CSNK2A1: variants seen among roughly 807,000 people sequenced by gnomAD.
The protein encoded by CSNK2A1 is casein kinase 2 alpha 1.
CSNK2A1 carries 10 observed loss-of-function variants against 62.9 expected under a neutral mutation model. The observed-to-expected ratio is 0.16, with a 90% CI of 0.10 to 0.27. The LOEUF (loss-of-function observed/expected upper bound fraction) is 0.27, where lower values mean the gene tolerates loss of function less well. Ranked by LOEUF, CSNK2A1 falls within the 10% of genes least tolerant of loss-of-function variation. CSNK2A1 has a pLI of 1.00. For synonymous variants in CSNK2A1, 124 were observed against 167.8 expected, an observed-to-expected ratio of 0.74 and a Z score of 2.02; for missense variants, 160 against 492.0, an observed-to-expected ratio of 0.33 and a Z score of 6.38.
chr20:486,316 A>G, intron 13 of CSNK2A1, 60 bp downstream of exon 13: 1 of 1,596,238 alleles, frequency 6.3e-7, no homozygotes, highest in Non-Finnish European at 8.6e-7. Flanking sequence ...TCAGACCACA[A>G]AGCTAAGAAC....
intron 7 of CSNK2A1, 75 bp from the exon 8 acceptor site, chr20:495,877 A>C: frequency 7.4e-7 from 1 of 1,360,522 alleles, no homozygotes; most frequent in South Asian, 1.2e-5. Flanking sequence ...CTCCATGTAA[A>C]TTTTCCTTTT....
chr20:497,196 T>C (rs547051931), intron 7 of CSNK2A1, among the ~76,000 whole-genome samples: 1 of 152,300 alleles, frequency 6.6e-6, no homozygotes, highest in East Asian at 1.9e-4. Context: ...TACTCTGTGC[T>C]ACTGCACTCC....
chr20:520,875 A>T (rs1035323013), intron 2 of CSNK2A1, among the ~76,000 whole-genome samples: 2 of 152,250 alleles, frequency 1.3e-5, no homozygotes, highest in African/African-American at 4.8e-5. Flanking sequence ...TATAAAGATA[A>T]TTCATAATGA....
At chr20:484,724 G>GTA (rs1491073201) in intron 13 of CSNK2A1, among the ~76,000 whole-genome samples, 3 of 146,584 alleles carry the variant, frequency 2.0e-5, no homozygotes, top group African/African-American at 5.1e-5. Context: ...GTGTGTGTGT[G>GTA]TACACACAGG....
intron 1 of CSNK2A1, among the ~76,000 whole-genome samples, chr20:531,356 C>A (rs2019208895): frequency 6.6e-6 from 1 of 152,086 alleles, no homozygotes; most frequent in African/African-American, 2.4e-5. Flanking sequence ...CACACGTAAA[C>A]CTGGACAACT....
At chr20:540,202 A>G (rs1285374785) in intron 1 of CSNK2A1, among the ~76,000 whole-genome samples, 1 of 152,190 alleles carries the variant, frequency 6.6e-6, no homozygotes, top group East Asian at 1.9e-4. Flanking sequence ...GTCTCTTTCA[A>G]TCCAAACTAG....
chr20:520,965 A>ACT, intron 2 of CSNK2A1, among the ~76,000 whole-genome samples: 1 of 151,984 alleles, frequency 6.6e-6, no homozygotes, highest in East Asian at 1.9e-4. Flanking sequence ...ACAAGGCAAG[A>ACT]CTCTACCTCT....
Position 499,524 on chromosome 20 carries a change from C to A in CSNK2A1, c.316-219G>T, listed in dbSNP as rs928080298. The A allele has an allele frequency of 7.2e-6, 4 of 556,088 alleles. No individual in the cohort carries two copies. The highest frequency in any genetic ancestry group is 1.2e-5 in the Non-Finnish European group (4 of 320,038). The allele number at this position is 556,088 out of a possible 1,614,324, so 34.4% of individuals were successfully genotyped here. ...CAGAAGACATGGAGCTGAAGTCTCA[C>A]CAGGCTCTAGGCAGCCCGACAATGC... On this transcript the variant is annotated intron_variant, in intron 5 of 13. Transcript: ENST00000217244. This position sits in a 1 kb window ranked among gnomAD's most constrained non-coding sequence, Gnocchi z 4.2.
chr20:499,712 G>T lies in CSNK2A1; in HGVS notation c.315+121C>A. On this transcript the variant is annotated intron_variant, in intron 5 of 13. Coordinates refer to ENST00000217244, the MANE Select transcript of CSNK2A1 (RefSeq NM_177559.3). The surrounding 1 kb of genome is among the most constrained non-coding windows in gnomAD (Gnocchi z 4.2). The stretch of plus-strand genomic sequence containing the variant: ...CTAGTTAAATGGTATATCTGATTAA[G>T]CACTTTCAAAGCAGGACTTAATGAT... The T allele has an allele frequency of 3.4e-6, 3 of 883,340 alleles. No individual in the cohort carries two copies. The highest frequency in any genetic ancestry group is 1.8e-6 in the Non-Finnish European group (1 of 541,418). 54.7% of individuals were successfully genotyped at this position (883,340 alleles called of 1,614,324 possible). A position where few individuals can be genotyped will look rare whatever the true frequency, so the allele number is the denominator to read the frequency against.
chr20:489,339 G>T (rs576865475), intron 10 of CSNK2A1: 3 of 200,648 alleles, frequency 1.5e-5, no homozygotes, highest in South Asian at 3.4e-4. Flanking sequence ...CTTCCACAAG[G>T]TCCTAGAATC....
intron 1 of CSNK2A1, 162 bp downstream of exon 1, chr20:543,510 G>T (rs1600426920): frequency 2.5e-6 from 1 of 392,416 alleles, no homozygotes; most frequent in East Asian, 3.6e-5. Context: ...CTCCCCGATG[G>T]GCTGCAGGGG....
rs141163431 is a variant in CSNK2A1, at chr20:522,899, C to T, written c.-110+5034G>A. 7.8e-3 allele frequency among the ~76,000 whole-genome samples: 1,193 copies of T among 152,186 alleles called. 8 individuals are homozygous for T. The highest frequency in any genetic ancestry group is 0.012 in the Non-Finnish European group (805 of 67,986). On this transcript the variant is annotated intron_variant, in intron 2 of 13. Coordinates refer to ENST00000217244, the MANE Select transcript of CSNK2A1 (RefSeq NM_177559.3). The stretch of plus-strand genomic sequence containing the variant: ...TTCTGAGAACCAGGTTGGTCTCAAA[C>T]GCCTGGCCTCAAGCAATCCTCCCCA...
At chr20:539,038 C>A (rs1165704206) in intron 1 of CSNK2A1, among the ~76,000 whole-genome samples, 1 of 152,208 alleles carries the variant, frequency 6.6e-6, no homozygotes, top group South Asian at 2.1e-4. Flanking sequence ...TCCGTGGAGT[C>A]TTCCAGGACT....
In CSNK2A1 at chr20:477,453, G is replaced by A. The variant is rs963317632; in HGVS notation, c.*6508C>T. 1 of 152,258 alleles carries A rather than the reference G, an allele frequency of 6.6e-6. No individual in the cohort carries two copies. The highest frequency in any genetic ancestry group is 1.5e-5 in the Non-Finnish European group (1 of 68,118). 9.4% of individuals were successfully genotyped at this position (152,258 alleles called of 1,614,324 possible). A position where few individuals can be genotyped will look rare whatever the true frequency, so the allele number is the denominator to read the frequency against. ...CAAAGTGTTCCAACCACAGGTGTGT[G>A]GGCCTTCCGTGGTATCTTAACCTCA... On this transcript the variant is annotated 3_prime_UTR_variant, in exon 14 of 14. Transcript: ENST00000217244.
intron 3 of CSNK2A1, chr20:506,476 G>C (rs1000478280): frequency 2.6e-5 from 4 of 152,148 alleles, no homozygotes; most frequent in Admixed American, 1.3e-4. Context: ...AGCAACATCA[G>C]AGGTAATAAA....
intron 2 of CSNK2A1, among the ~76,000 whole-genome samples, chr20:511,605 TA>T (rs2018719858): frequency 6.6e-6 from 1 of 152,218 alleles, no homozygotes; most frequent in Admixed American, 6.5e-5. Context: ...TTTGTTTATT[TA>T]ATTTAGCATA....
rs55990122 is a variant in CSNK2A1, at chr20:542,261, T to A, written c.-227+1411A>T. ...ACTCACAAGCTAGAAAATACCATCA[T>A]CCCCCTTTTACAGACGGGAAAACTG... is the stretch of plus-strand genomic sequence containing the variant. On this transcript the variant is annotated intron_variant, in intron 1 of 13. Transcript: ENST00000217244. Among the ~76,000 whole-genome samples the A allele has an allele frequency of 7.4e-3, 1,125 of 152,132 alleles. 26 individuals carry two copies. Among genetic ancestry groups the A allele is most frequent in the African/African-American group, 0.025 (1,025 of 41,480 alleles).
In CSNK2A1 at chr20:505,360, T is replaced by G. The variant is rs186923157; in HGVS notation, c.102-131A>C. On this transcript the variant is annotated intron_variant, in intron 3 of 13. Coordinates refer to ENST00000217244, the MANE Select transcript of CSNK2A1 (RefSeq NM_177559.3). ...AACAATTCCCAAATAGGTTTTTTTTTTTTTTTTTTTTTTTTTGGAGATGGA... is the reference window on the plus strand; with the variant it reads ...AACAATTCCCAAATAGGTTTTTTTTGTTTTTTTTTTTTTTTTGGAGATGGA... 1,261 of 699,104 alleles carry G rather than the reference T, an allele frequency of 1.8e-3. 15 individuals are homozygous for G. The African/African-American group carries it at 0.023, about 13-fold the overall frequency. The allele number at this position is 699,104 out of a possible 1,614,324, so 43.3% of individuals were successfully genotyped here.
In CSNK2A1 at chr20:497,695, A is replaced by G. The variant is rs1208122654; in HGVS notation, c.426+26T>C. 1.9e-6 allele frequency: 3 copies of G among 1,570,124 alleles called. No individual in the cohort carries two copies. The South Asian group carries it at 3.4e-5, about 18-fold the overall frequency. On this transcript the variant is annotated intron_variant, in intron 7 of 13. Transcript: ENST00000217244. The stretch of plus-strand genomic sequence containing the variant: ...AACAAAAAGAAGACCAATTTAAAAA[A>G]TATTTAGTATTCAAGGTTCACTTAC...
Sources: allele counts gnomAD v4.1 joint callset (sites outside exome capture counted in the v4.1 genomes callset), GRCh38; gene constraint gnomAD v4.1.1; non-coding constraint Gnocchi (gnomAD v3.1); transcripts MANE v1.5; gene names NCBI Gene and HGNC (gene_info 2026-07-23, HGNC 2026-07-21).